The following HGSNAT variants were observed in gnomAD, a reference collection of about 807,000 sequenced individuals.
The protein encoded by HGSNAT is transmembrane protein 76.
A neutral mutation model predicts 85.2 loss-of-function variants in HGSNAT; 59 were observed. The observed-to-expected ratio is 0.69, with a 90% CI of 0.56 to 0.86. The LOEUF (loss-of-function observed/expected upper bound fraction) is 0.86. Among genes scored for constraint, HGSNAT ranks in the 40% least tolerant of loss-of-function variants. HGSNAT has a pLI of 0.00. For synonymous variants in HGSNAT, 321 were observed against 304.5 expected (o/e 1.05, Z -0.56); for missense variants, 756 against 777.1 (o/e 0.97, Z 0.32).
intron 5 of HGSNAT, among the ~76,000 whole-genome samples, chr8:43,166,847 C>G (rs917418222): frequency 2.0e-5 from 3 of 152,184 alleles, no homozygotes; most frequent in Non-Finnish European, 4.4e-5. Context: ...TGAAAACCTT[C>G]TGGAAAGGAT....
Position 43,140,622 on chromosome 8 carries a change from C to A in HGSNAT, c.118+8C>A. ...AGGCCGCGCCGCCACGAGGTGAGTG[C>A]ACACCTCCTACCGCCGCCCGGCCGG... On this transcript the variant is annotated splice_region_variant and intron_variant, in intron 1 of 17. Coordinates refer to ENST00000379644, the MANE Select transcript of HGSNAT (RefSeq NM_152419.3). 1 of 1,218,650 alleles carries A rather than the reference C, an allele frequency of 8.2e-7. No individual in the cohort carries two copies. The highest frequency in any genetic ancestry group is 1.0e-6 in the Non-Finnish European group (1 of 962,972). 75.5% of individuals were successfully genotyped at this position (1,218,650 alleles called of 1,614,324 possible).
At chr8:43,196,828 G>T in intron 14 of HGSNAT, 120 bp from the exon 15 acceptor site, 1 of 682,854 alleles carries the variant, frequency 1.5e-6, no homozygotes. Flanking sequence ...TGTAATCCCA[G>T]CACCTAGTAG....
At chr8:43,198,280 CTTTTTTTTT>C (rs59416007) in intron 17 of HGSNAT, among the ~76,000 whole-genome samples, 2 of 90,332 alleles carry the variant, frequency 2.2e-5, no homozygotes, top group African/African-American at 4.5e-5. Context: ...GTTTCTGGTT[CTTTTTTTTT>C]TTTTTTTTTT....
intron 5 of HGSNAT, among the ~76,000 whole-genome samples, chr8:43,162,260 G>A (rs140198289): frequency 1.2e-3 from 187 of 152,216 alleles, no homozygotes; most frequent in African/African-American, 4.4e-3. Context: ...CCTCTAAGTC[G>A]GCTAGCTTGG....
intron 4 of HGSNAT, 68 bp downstream of exon 4, chr8:43,159,112 T>G (rs1430420197): frequency 3.2e-6 from 5 of 1,547,320 alleles, no homozygotes; most frequent in African/African-American, 1.4e-5. Context: ...GAGTACTGTT[T>G]GTAAAGCAAA....
At position 43,178,594 on chromosome 8, in the gene HGSNAT, CTTTTT is replaced by C. The variant is rs58996359; in HGVS notation, c.1012+376_1012+380del. Among the ~76,000 whole-genome samples, 6 of 96,920 alleles carry C rather than the reference CTTTTT, an allele frequency of 6.2e-5. No individual in the cohort carries two copies. The East Asian group carries it at 1.2e-3, about 19-fold the overall frequency. 63.6% of individuals were successfully genotyped at this position (96,920 alleles called of 152,430 possible). A position where few individuals can be genotyped will look rare whatever the true frequency, so the allele number is the denominator to read the frequency against. On this transcript the variant is annotated intron_variant, in intron 10 of 17. Coordinates refer to ENST00000379644, the MANE Select transcript of HGSNAT (RefSeq NM_152419.3). Reference sequence around the variant, plus strand: ...CTGCTAATGTGATTTCATCAGCTTTCTTTTTTTTTTTTTTTTTTTTAAATTTATTT... The same window carrying C: ...CTGCTAATGTGATTTCATCAGCTTTCTTTTTTTTTTTTTTTAAATTTATTT...
intron 14 of HGSNAT, chr8:43,194,144 C>T (rs571849191): frequency 5.4e-5 from 59 of 1,095,936 alleles, no homozygotes; most frequent in Middle Eastern, 7.7e-4. Context: ...ATGCCTATAA[C>T]GCCAACATTT....
Position 43,182,129 on chromosome 8 carries a change from CTT to C in HGSNAT, c.1013-15_1013-14del, listed in dbSNP as rs1438816143. 2 of 1,598,642 alleles carry C rather than the reference CTT, an allele frequency of 1.3e-6. No homozygotes were observed. Among genetic ancestry groups the C allele is most frequent in the Non-Finnish European group, 1.7e-6 (2 of 1,166,008 alleles). On this transcript the variant is annotated splice_polypyrimidine_tract_variant and intron_variant, in intron 10 of 17. Transcript: ENST00000379644. Reference sequence around the variant, plus strand: ...AAGTCCTGGCTAACACTTGACCTAACTTGTGTCTTTTGCAGTGTCTTGGGACA... The same window carrying C: ...AAGTCCTGGCTAACACTTGACCTAACGTGTCTTTTGCAGTGTCTTGGGACA...
In HGSNAT at chr8:43,173,754, G is replaced by A. The variant is rs771396742; in HGVS notation, c.851+11G>A. ...CCTCGTGTTCCCGTGGTGAGTTGCCGGTCTGCCCTCTTCTCTTCCACGGGT... is the reference window on the plus strand; with the variant it reads ...CCTCGTGTTCCCGTGGTGAGTTGCCAGTCTGCCCTCTTCTCTTCCACGGGT... On this transcript the variant is annotated intron_variant, in intron 9 of 17. Transcript: ENST00000379644. 49 of 1,610,556 alleles carry A rather than the reference G, an allele frequency of 3.0e-5. No individual in the cohort carries two copies. In the South Asian group the frequency reaches 4.4e-4, roughly 15 times the overall value.
intron 10 of HGSNAT, chr8:43,180,825 C>G (rs1178109789): frequency 8.4e-6 from 1 of 119,526 alleles, no homozygotes; most frequent in Non-Finnish European, 1.7e-5. Context: ...GTGAACGAGA[C>G]TCCATCTGCA....
intron 15 of HGSNAT, chr8:43,197,283 G>T (rs950509392): frequency 3.6e-6 from 2 of 561,514 alleles, no homozygotes; most frequent in Non-Finnish European, 6.3e-6. Context: ...GTGAGGTATG[G>T]GCTCTGTGTG....
chr8:43,180,127 C>T (rs1370398798), intron 10 of HGSNAT, among the ~76,000 whole-genome samples: 2 of 139,526 alleles, frequency 1.4e-5, no homozygotes, highest in African/African-American at 2.7e-5. Flanking sequence ...GCCTCCCTCC[C>T]GGATGGGGCG....
At chr8:43,151,702 A>G (rs748456741) in intron 2 of HGSNAT, among the ~76,000 whole-genome samples, 2 of 152,218 alleles carry the variant, frequency 1.3e-5, no homozygotes, top group Non-Finnish European at 2.9e-5. Flanking sequence ...TCTTTAGATC[A>G]GGCCAAAGCA....
intron 12 of HGSNAT, 120 bp from the exon 13 acceptor site, chr8:43,192,184 T>A (rs1563382213): frequency 8.7e-7 from 1 of 1,153,698 alleles, no homozygotes; most frequent in Non-Finnish European, 1.2e-6. Flanking sequence ...CGCCTTGGCC[T>A]CCCAAAGTGT....
intron 4 of HGSNAT, among the ~76,000 whole-genome samples, chr8:43,159,985 G>A (rs2130718258): frequency 6.6e-6 from 1 of 152,284 alleles, no homozygotes; most frequent in Non-Finnish European, 1.5e-5. Flanking sequence ...ATATGAAAGG[G>A]CCAATGTAGG....
chr8:43,148,660 G>C (rs1421889369), intron 2 of HGSNAT, among the ~76,000 whole-genome samples: 2 of 151,454 alleles, frequency 1.3e-5, no homozygotes, highest in Non-Finnish European at 2.9e-5. Flanking sequence ...CATGGTAGCA[G>C]GTGCCTGTAA....
chr8:43,178,208 T>C lies in HGSNAT; in HGVS notation c.986T>C (p.Val329Ala), dbSNP rs1237864552. The C allele has an allele frequency of 1.3e-6, 2 of 1,555,150 alleles. No individual in the cohort carries two copies. The highest frequency in any genetic ancestry group is 4.1e-5 in the Admixed American group (2 of 48,528). The change falls in exon 10 of 18, where the codon GTG becomes GCG. Residue 329 changes from valine (V) to alanine (A), a missense_variant. Coordinates refer to ENST00000379644, the MANE Select transcript of HGSNAT (RefSeq NM_152419.3). Reference protein sequence around the residue: ...FLLICIGIIIVNPNYCLGPLS... With the variant: ...FLLICIGIIIANPNYCLGPLS... ...TTAATCTGCATAGGAATTATCATTG[T>C]GAATCCCAATTATTGCCTTGGTCCA...
chr8:43,195,656 G>GGAGGAGGAGGAGGGAGTA (rs1319601537), intron 14 of HGSNAT, among the ~76,000 whole-genome samples: 358 of 14,520 alleles, frequency 0.025, 8 homozygotes, highest in African/African-American at 0.044. Context: ...AGGAGGGGCT[G>GGAGGAGGAGGAGGGAGTA]GAGGAGGAGG....
Position 43,172,408 on chromosome 8 carries a change from A to T in HGSNAT, c.820+22A>T, listed in dbSNP as rs202161501. The T allele has an allele frequency of 2.9e-5, 44 of 1,500,154 alleles. No homozygotes were observed. In the East Asian group the frequency reaches 8.8e-4, roughly 30 times the overall value. The allele number at this position is 1,500,154 out of a possible 1,614,324, so 92.9% of individuals were successfully genotyped here. On this transcript the variant is annotated intron_variant, in intron 8 of 17. Transcript: ENST00000379644. ...AATGGTAAGATATTTCCTAAAAGTA[A>T]TGTTGCTTATATACGTCCTTCACAG...
Sources: allele counts gnomAD v4.1 joint callset (sites outside exome capture counted in the v4.1 genomes callset), GRCh38; gene constraint gnomAD v4.1.1; transcripts MANE v1.5; gene names NCBI Gene and HGNC (gene_info 2026-07-23, HGNC 2026-07-21).